Variants in KIF6 observed in about 807,000 individuals in gnomAD.
The protein encoded by KIF6 is kinesin family member 6, also known as kinesin-like protein KIF6.
KIF6 carries 106 observed loss-of-function variants against 112.7 expected under a neutral mutation model. The observed-to-expected ratio is 0.94, with a 90% confidence interval of 0.80 to 1.11. The LOEUF (loss-of-function observed/expected upper bound fraction) is 1.11. Ranked by LOEUF, KIF6 falls within the 50% of genes least tolerant of loss-of-function variation. The pLI is 0.00. For synonymous variants in KIF6, 339 were observed against 339.9 expected, an observed-to-expected ratio of 1.00 and a Z score of 0.03; for missense variants, 929 against 964.0, an observed-to-expected ratio of 0.96 and a Z score of 0.48.
intron 14 of KIF6, among the ~76,000 whole-genome samples, chr6:39,426,827 C>T (rs953594690): frequency 1.3e-5 from 2 of 152,136 alleles, no homozygotes; most frequent in Admixed American, 6.6e-5. Flanking sequence ...TAAATCAATT[C>T]TTATACTCTG....
chr6:39,498,526 A>T (rs960304103), intron 13 of KIF6, among the ~76,000 whole-genome samples: 1 of 152,214 alleles, frequency 6.6e-6, no homozygotes, highest in Non-Finnish European at 1.5e-5. Context: ...AGGGCAGGAT[A>T]GTAGATTTTT....
At chr6:39,580,429 AAT>A (rs1356174907) in intron 9 of KIF6, among the ~76,000 whole-genome samples, 9 of 152,060 alleles carry the variant, frequency 5.9e-5, no homozygotes, top group African/African-American at 2.2e-4. Flanking sequence ...ATCTGTAAGT[AAT>A]GACAGATGTT....
chr6:39,719,047 G>T (rs554526820), intron 2 of KIF6, among the ~76,000 whole-genome samples: 1 of 152,256 alleles, frequency 6.6e-6, no homozygotes, highest in East Asian at 1.9e-4. Flanking sequence ...GGCCAGATAC[G>T]GTGGCTCATG....
chr6:39,499,248 G>A (rs1356620750), intron 13 of KIF6, among the ~76,000 whole-genome samples: 1 of 152,124 alleles, frequency 6.6e-6, no homozygotes, highest in Non-Finnish European at 1.5e-5. Flanking sequence ...AGGATGACTT[G>A]TCATAGCCTG....
intron 19 of KIF6, among the ~76,000 whole-genome samples, chr6:39,350,908 G>A (rs974677153): frequency 6.6e-6 from 1 of 152,198 alleles, no homozygotes; most frequent in Non-Finnish European, 1.5e-5. Context: ...CACTCAAGTT[G>A]AGGTGTTTTA....
In KIF6 at chr6:39,703,483, AC is replaced by A. The variant is rs1289338278; in HGVS notation, c.251+11208del. 3.3e-5 allele frequency among the ~76,000 whole-genome samples: 5 copies of A among 152,318 alleles called. No homozygotes were observed. In the South Asian group the frequency reaches 1.0e-3, roughly 32 times the overall value. ...TTATAAAAATTAGGTGAGATAATAT[AC>A]GTGAAACTGCTCTTATATTGGCAAA... On this transcript the variant is annotated intron_variant, in intron 3 of 22. Transcript: ENST00000287152.
At chr6:39,415,216 T>C (rs911506140) in intron 15 of KIF6, among the ~76,000 whole-genome samples, 2 of 133,522 alleles carry the variant, frequency 1.5e-5, no homozygotes, top group Non-Finnish European at 3.1e-5. Flanking sequence ...ACAAAACCTA[T>C]AAAACAGTGA....
At position 39,483,457 on chromosome 6, in the gene KIF6, T is replaced by C. The variant is rs562884892; in HGVS notation, c.1646-52296A>G. 2.0e-5 allele frequency among the ~76,000 whole-genome samples: 3 copies of C among 152,318 alleles called. No homozygotes were observed. In the East Asian group the frequency reaches 5.8e-4, roughly 29 times the overall value. On this transcript the variant is annotated intron_variant, in intron 13 of 22. Transcript: ENST00000287152. ...GGGGAAACAGTAACTTTTAAAAAGA[T>C]TTCCCACCTGACACATCATATTATG...
intron 16 of KIF6, among the ~76,000 whole-genome samples, chr6:39,383,186 A>G (rs1018528093): frequency 1.3e-5 from 2 of 151,928 alleles, no homozygotes; most frequent in African/African-American, 4.8e-5. Flanking sequence ...CCATTTGTCT[A>G]TGTTTGATTT....
At chr6:39,588,456 C>A (rs979381398) in intron 7 of KIF6, among the ~76,000 whole-genome samples, 4 of 152,110 alleles carry the variant, frequency 2.6e-5, no homozygotes, top group African/African-American at 4.8e-5. Flanking sequence ...TCCAGTGATC[C>A]ACCCGCCTCG....
At chr6:39,435,063 A>T (rs1202558415) in intron 13 of KIF6, among the ~76,000 whole-genome samples, 2 of 152,214 alleles carry the variant, frequency 1.3e-5, no homozygotes, top group African/African-American at 2.4e-5. Context: ...ATAAGTGATT[A>T]TAAAGGGGTG....
chr6:39,553,945 G>A (rs778099265), intron 10 of KIF6: 62 of 154,994 alleles, frequency 4.0e-4, no homozygotes, highest in Admixed American at 2.4e-3. Flanking sequence ...TTGACCTCAA[G>A]CTGGCAGCTG....
chr6:39,644,622 T>TA (rs35060591), intron 3 of KIF6, among the ~76,000 whole-genome samples: 20,260 of 152,036 alleles, frequency 0.13, 1,663 homozygotes, highest in African/African-American at 0.23. Context: ...TCCATAGAGA[T>TA]AGAAAGTAGG....
chr6:39,511,334 T>C lies in KIF6; in HGVS notation c.1645+28669A>G, dbSNP rs115416355. 4.9e-3 allele frequency among the ~76,000 whole-genome samples: 746 copies of C among 152,290 alleles called. 5 individuals carry two copies. Among genetic ancestry groups the C allele is most frequent in the African/African-American group, 0.017 (699 of 41,562 alleles). Reference sequence around the variant, plus strand: ...GACATTTATGCAGCCAACAGACATATGTAAAAATGCTCGTCATTACTGGTC... The same window carrying C: ...GACATTTATGCAGCCAACAGACATACGTAAAAATGCTCGTCATTACTGGTC... On this transcript the variant is annotated intron_variant, in intron 13 of 22. Coordinates refer to ENST00000287152, the MANE Select transcript of KIF6 (RefSeq NM_145027.6).
At chr6:39,542,426 AAGAAGATCTGATGTCGTTCGC>A (rs1229230494) in intron 12 of KIF6, among the ~76,000 whole-genome samples, 1 of 152,118 alleles carries the variant, frequency 6.6e-6, no homozygotes, top group Non-Finnish European at 1.5e-5. Context: ...GTCTCTTTCC[AAGAAGATCTGATGTCGTTCGC>A]AGTCATTTGG....
chr6:39,471,549 A>G (rs1405348274), intron 13 of KIF6, among the ~76,000 whole-genome samples: 1 of 152,116 alleles, frequency 6.6e-6, no homozygotes, highest in African/African-American at 2.4e-5. Flanking sequence ...TCTTCAGCAA[A>G]TGTGTACCCA....
At chr6:39,466,997 C>T (rs1773831094) in intron 13 of KIF6, among the ~76,000 whole-genome samples, 1 of 152,230 alleles carries the variant, frequency 6.6e-6, no homozygotes, top group African/African-American at 2.4e-5. Flanking sequence ...CCACTGTCCC[C>T]ACTGCCAGTT....
At chr6:39,453,265 T>C (rs1281525551) in intron 13 of KIF6, among the ~76,000 whole-genome samples, 1 of 152,242 alleles carries the variant, frequency 6.6e-6, no homozygotes, top group Non-Finnish European at 1.5e-5. Context: ...ACAAATTTTA[T>C]TCTCCGATGT....
intron 3 of KIF6, among the ~76,000 whole-genome samples, chr6:39,660,543 T>C (rs1025128812): frequency 1.3e-5 from 2 of 152,234 alleles, no homozygotes; most frequent in South Asian, 2.1e-4. Flanking sequence ...ATCTTGTCAA[T>C]GAAGCTTTCC....
Sources: gnomAD v4.1 joint callset for allele counts (sites outside exome capture counted in the v4.1 genomes callset) on GRCh38, gnomAD v4.1.1 for gene constraint, MANE v1.5 for transcripts, NCBI Gene and HGNC (gene_info 2026-07-23, HGNC 2026-07-21) for gene names.